Variants in FBN3 observed in about 807,000 individuals in gnomAD.
The protein encoded by FBN3 is fibrillin 3.
FBN3 carries 234 observed loss-of-function variants against 330.1 expected under a neutral mutation model. The ratio of observed to expected loss-of-function variants is 0.71; its 90% CI spans 0.64 to 0.79. FBN3 has a LOEUF of 0.79. FBN3 is among the 30% of genes least tolerant of loss of function. FBN3 has a pLI of 0.00. For synonymous variants in FBN3, 1,458 were observed against 1,517.3 expected, an observed-to-expected ratio of 0.96 and a Z score of 0.91; for missense variants, 3,606 against 3,886.9, an observed-to-expected ratio of 0.93 and a Z score of 1.92.
In FBN3 at chr19:8,103,697, A is replaced by G. The variant is rs1408202948; in HGVS notation, c.4814-10T>C. ...GAGCATTCGTCAATATCTGCAGGGA[A>G]AGAAGGGGTGGAGGGGAACAGTGGG... On this transcript the variant is annotated splice_polypyrimidine_tract_variant and intron_variant, in intron 38 of 63. Transcript: ENST00000600128. 1 of 1,611,908 alleles carries G rather than the reference A, an allele frequency of 6.2e-7. No homozygotes were observed. The highest frequency in any genetic ancestry group is 1.7e-5 in the Admixed American group (1 of 59,888).
In FBN3 at chr19:8,073,185, G is replaced by A. The variant is rs374752815; in HGVS notation, c.7815C>T (p.Leu2605=). The A allele has an allele frequency of 1.8e-4, 286 of 1,613,860 alleles. No homozygotes were observed. Among genetic ancestry groups the A allele is most frequent in the Non-Finnish European group, 2.3e-4 (273 of 1,179,990 alleles). ...ACTCATCCACCTCCTGGCAGCCCCC[G>A]AGGGCCTGATCAAAGTCAAAGCCAG... ...CPSGFDFDQA[L]GGCQEVDECA... is the part of the protein sequence containing the mutation. The change falls in exon 62 of 64, where the codon CTC becomes CTT. Residue 2605 remains leucine, a synonymous_variant. Coordinates refer to ENST00000600128, the MANE Select transcript of FBN3 (RefSeq NM_032447.5).
Position 8,136,297 on chromosome 19 carries a change from C to T in FBN3, c.1358G>A (p.Cys453Tyr). 6.2e-7 allele frequency: 1 copy of T among 1,601,758 alleles called. No individual in the cohort carries two copies. The highest frequency in any genetic ancestry group is 1.1e-5 in the South Asian group (1 of 89,182). Residue 453 changes from cysteine to tyrosine, a missense_variant, in exon 12 of 64, where the codon TGC becomes TAC. Coordinates refer to ENST00000600128, the MANE Select transcript of FBN3 (RefSeq NM_032447.5). ...VRGECIDVDECTSSPCHHGDC... is the reference protein window; with the variant it reads ...VRGECIDVDEYTSSPCHHGDC... Reference sequence around the variant, plus strand: ...ACCGTGGTGGCAGGGGCTGCTGGTGCATTCGTCTACATCTGAGGGGAGAGG... The same window carrying T: ...ACCGTGGTGGCAGGGGCTGCTGGTGTATTCGTCTACATCTGAGGGGAGAGG...
At chr19:8,090,946 C>T (rs2082083268) in intron 48 of FBN3, among the ~76,000 whole-genome samples, 1 of 152,170 alleles carries the variant, frequency 6.6e-6, no homozygotes, top group Non-Finnish European at 1.5e-5. Context: ...AGGATCCAAA[C>T]CCCCAATCCT....
chr19:8,135,855 G>A (rs1003639348), intron 13 of FBN3, 106 bp downstream of exon 13: 75 of 1,298,318 alleles, frequency 5.8e-5, no homozygotes, highest in Middle Eastern at 5.2e-4. Context: ...AGGAGACGTC[G>A]TAGGGAGGGA....
chr19:8,065,973 C>G lies in FBN3; in HGVS notation c.8376G>C (p.Gln2792His). 6.2e-7 allele frequency: 1 copy of G among 1,611,130 alleles called. No individual in the cohort carries two copies. Among genetic ancestry groups the G allele is most frequent in the Non-Finnish European group, 8.5e-7 (1 of 1,178,628 alleles). The change falls in exon 64 of 64, where the codon CAG becomes CAC. Residue 2792 changes from glutamine to histidine, a missense_variant. By Grantham distance (24) the Gln-to-His change is conservative. Coordinates refer to ENST00000600128, the MANE Select transcript of FBN3 (RefSeq NM_032447.5). ...AGPWGVQPEGQPGPWGQALRL... is the reference protein window; with the variant it reads ...AGPWGVQPEGHPGPWGQALRL... ...TCAAGGCCTGGCCCCATGGCCCTGGCTGCCCCTCTGGCTGGACACCCCAGG... is the reference window on the plus strand; with the variant it reads ...TCAAGGCCTGGCCCCATGGCCCTGGGTGCCCCTCTGGCTGGACACCCCAGG...
At position 8,102,719 on chromosome 19, in the gene FBN3, C is replaced by T; in HGVS notation, c.5089+5G>A. ...CTGGGAAGAAGGTTGGGGAGGGTTA[C>T]TCACGACTGATGGGAGTGGGGCAGG... On this transcript the variant is annotated splice_donor_5th_base_variant and intron_variant, in intron 40 of 63. Transcript: ENST00000600128. 1 of 1,610,924 alleles carries T rather than the reference C, an allele frequency of 6.2e-7. No individual in the cohort carries two copies. Among genetic ancestry groups the T allele is most frequent in the Non-Finnish European group, 8.5e-7 (1 of 1,177,866 alleles).
chr19:8,126,408 G>C (rs1488820120), intron 20 of FBN3, 60 bp downstream of exon 20: 1 of 1,588,872 alleles, frequency 6.3e-7, no homozygotes, highest in Non-Finnish European at 8.6e-7. Flanking sequence ...CCCAAGGGGG[G>C]ACCCGCCCCA....
At position 8,091,547 on chromosome 19, in the gene FBN3, G is replaced by A; in HGVS notation, c.5949C>T (p.Gly1983=). Residue 1983 remains glycine, a synonymous_variant, in exon 48 of 64, where the codon GGC becomes GGT. Transcript: ENST00000600128. The part of the protein sequence containing the change: ...CSEEPNLCLF[G]TCTNSPGSFQ... ...AGCTCCCAGGGCTGTTGGTACAGGT[G>A]CCAAAGAGGCAGAGGTTGGGCTCCT... The A allele has an allele frequency of 1.9e-6, 3 of 1,614,204 alleles. No individual in the cohort carries two copies. In the South Asian group the frequency reaches 3.3e-5, roughly 18 times the overall value.
chr19:8,087,149 G>A lies in FBN3; in HGVS notation c.6682C>T (p.Leu2228Phe), dbSNP rs1452887427. The A allele has an allele frequency of 6.2e-7, 1 of 1,610,268 alleles. No homozygotes were observed. Among genetic ancestry groups the A allele is most frequent in the African/African-American group, 1.3e-5 (1 of 74,820 alleles). ...CAGACGCACGCGAAGGTACCGATGAGGTTCTTGCACTCCATGCCCCGGGCG... is the reference window on the plus strand; with the variant it reads ...CAGACGCACGCGAAGGTACCGATGAAGTTCTTGCACTCCATGCCCCGGGCG... The part of the protein sequence containing the change: ...CHARGMECKN[L>F]IGTFACVCPP... The change falls in exon 54 of 64, where the codon CTC becomes TTC. Residue 2228 changes from leucine to phenylalanine, a missense_variant. Transcript: ENST00000600128.
rs2083267734 is a variant in FBN3 at position 8,135,935 on chromosome 19, TGCCCACCC to T, written c.1591+18_1591+25del. ...GCAGCTAGTGGGGCCCGGAAGCCCCTGCCCACCCGCCCACCCCCAACTCACCCACACAG... is the reference window on the plus strand; with the variant it reads ...GCAGCTAGTGGGGCCCGGAAGCCCCTGCCCACCCCCAACTCACCCACACAG... On this transcript the variant is annotated intron_variant, in intron 13 of 63. Transcript: ENST00000600128. 1.0e-5 allele frequency: 14 copies of T among 1,345,918 alleles called. No individual in the cohort carries two copies. Among genetic ancestry groups the T allele is most frequent in the Admixed American group, 2.3e-5 (1 of 42,716 alleles). The allele number at this position is 1,345,918 out of a possible 1,614,324, so 83.4% of individuals were successfully genotyped here. A position where few individuals can be genotyped will look rare whatever the true frequency, so the allele number is the denominator to read the frequency against.
In FBN3 at chr19:8,081,383, C is replaced by T. The variant is rs2081779652; in HGVS notation, c.7311G>A (p.Leu2437=). ...CTTTGCAGGTCCTGCCATCCTCCTCCAGCAGGTAGCCTCGGGGACAGCTGC... is the reference window on the plus strand; with the variant it reads ...CTTTGCAGGTCCTGCCATCCTCCTCTAGCAGGTAGCCTCGGGGACAGCTGC... ...FLCSCPRGYL[L]EEDGRTCKDL... The change falls in exon 58 of 64, where the codon CTG becomes CTA. Residue 2437 remains leucine, a synonymous_variant. Coordinates refer to ENST00000600128, the MANE Select transcript of FBN3 (RefSeq NM_032447.5). 1.2e-6 allele frequency: 2 copies of T among 1,609,584 alleles called. No individual in the cohort carries two copies. Among genetic ancestry groups the T allele is most frequent in the Non-Finnish European group, 1.7e-6 (2 of 1,177,864 alleles).
chr19:8,135,936 G>GCACCCCCCCCCC, intron 13 of FBN3, 25 bp downstream of exon 13: 3 of 668,778 alleles, frequency 4.5e-6, no homozygotes, highest in Non-Finnish European at 7.2e-6. Flanking sequence ...GGAAGCCCCT[G>GCACCCCCCCCCC]CCCACCCGCC....
chr19:8,079,980 A>C (rs1555725914), intron 59 of FBN3, among the ~76,000 whole-genome samples: 1 of 152,132 alleles, frequency 6.6e-6, no homozygotes, highest in Non-Finnish European at 1.5e-5. Context: ...CCTGCCTTTT[A>C]TGTTTGTTGC....
chr19:8,138,511 C>A lies in FBN3; in HGVS notation c.919G>T (p.Asp307Tyr). ...SVLFGGRCAGDLAGHYTRRQC... is the reference protein window; with the variant it reads ...SVLFGGRCAGYLAGHYTRRQC... ...CTGCGAGTGTAGTGGCCGGCGAGGT[C>A]TCCAGCACAGCGGCCCCCGAAAAGC... Residue 307 changes from aspartate (D) to tyrosine (Y), a missense_variant, in exon 9 of 64, where the codon GAC (aspartate) becomes TAC (tyrosine). By Grantham distance (160) the Asp-to-Tyr change is radical (BLOSUM62 -3). Coordinates refer to ENST00000600128, the MANE Select transcript of FBN3 (RefSeq NM_032447.5). 6.2e-7 allele frequency: 1 copy of A among 1,612,738 alleles called. No individual in the cohort carries two copies. The highest frequency in any genetic ancestry group is 1.1e-5 in the South Asian group (1 of 91,036).
In FBN3 at chr19:8,065,699, T is replaced by G. The variant is rs1406431177; in HGVS notation, c.*220A>C. 4 of 548,572 alleles carry G rather than the reference T, an allele frequency of 7.3e-6. No individual in the cohort carries two copies. The highest frequency in any genetic ancestry group is 1.3e-5 in the Non-Finnish European group (4 of 311,986). The allele number at this position is 548,572 out of a possible 1,614,324, so 34.0% of individuals were successfully genotyped here. ...GGGCAGGGGGATTGCACATTGCAGC[T>G]TCTTGCTGTCTCCAGGAAAGACTGA... On this transcript the variant is annotated 3_prime_UTR_variant, in exon 64 of 64. Coordinates refer to ENST00000600128, the MANE Select transcript of FBN3 (RefSeq NM_032447.5).
intron 13 of FBN3, 109 bp from the exon 14 acceptor site, chr19:8,133,215 G>C: frequency 4.5e-6 from 6 of 1,341,580 alleles, no homozygotes; most frequent in East Asian, 5.3e-5. Flanking sequence ...CTGGAGTGTG[G>C]GAGGCAAACA....
At position 8,085,431 on chromosome 19, in the gene FBN3, G is replaced by C; in HGVS notation, c.7019C>G (p.Pro2340Arg). The C allele has an allele frequency of 1.3e-6, 2 of 1,581,398 alleles. No individual in the cohort carries two copies. Among genetic ancestry groups the C allele is most frequent in the Non-Finnish European group, 1.7e-6 (2 of 1,165,372 alleles). The change falls in exon 56 of 64, where the codon CCC becomes CGC. Residue 2340 changes from proline to arginine, a missense_variant. Transcript: ENST00000600128. ...RGWGPRCELC[P>R]LPGTSAYRKL... ...CCTGTAGGCAGAGGTGCCGGGCAGG[G>C]GACAGAGCTCGCAGCGGGGCCCCCA... is the stretch of plus-strand genomic sequence containing the variant.
intron 29 of FBN3, 81 bp from the exon 30 acceptor site, chr19:8,115,721 T>C: frequency 8.7e-6 from 13 of 1,486,316 alleles, no homozygotes; most frequent in Non-Finnish European, 1.2e-5. Context: ...GGGAGGGAGA[T>C]CACCAGCATT....
At position 8,109,428 on chromosome 19, in the gene FBN3, G is replaced by A. The variant is rs779805751; in HGVS notation, c.4457-40C>T. 2 of 1,611,736 alleles carry A rather than the reference G, an allele frequency of 1.2e-6. No homozygotes were observed. Among genetic ancestry groups the A allele is most frequent in the Non-Finnish European group, 1.7e-6 (2 of 1,178,100 alleles). On this transcript the variant is annotated intron_variant, in intron 35 of 63. Transcript: ENST00000600128. This position sits in a 1 kb window ranked among gnomAD's most constrained non-coding sequence, Gnocchi z 5.2. The stretch of plus-strand genomic sequence containing the variant: ...GGGGATGGTTAGTAGGTGTCAGAGG[G>A]AAAGCTGTATGTGTGCGTGTGCATG...
Sources: gnomAD v4.1 joint callset for allele counts (sites outside exome capture counted in the v4.1 genomes callset) on GRCh38, gnomAD v4.1.1 for gene constraint, Gnocchi (gnomAD v3.1) non-coding constraint, MANE v1.5 for transcripts, NCBI Gene and HGNC (gene_info 2026-07-23, HGNC 2026-07-21) for gene names.